LRRC2: variants seen among roughly 807,000 people sequenced by gnomAD.
LRRC2 encodes leucine-rich repeat-containing protein 2.
A neutral mutation model predicts 40.2 loss-of-function variants in LRRC2; 27 were observed. The ratio of observed to expected loss-of-function variants is 0.67; its 90% CI spans 0.49 to 0.93. The LOEUF (loss-of-function observed/expected upper bound fraction) is 0.93, where lower values mean the gene tolerates loss of function less well. LRRC2 is among the 40% of genes least tolerant of loss of function. The pLI, the probability that LRRC2 is intolerant of heterozygous loss-of-function variation, is 0.00. For missense variants in LRRC2, 402 were observed against 439.6 expected (o/e 0.91, Z 0.76); for synonymous variants, 147 against 158.9 (o/e 0.92, Z 0.56).
intron 1 of LRRC2, among the ~76,000 whole-genome samples, chr3:46,561,733 A>C (rs1328406875): frequency 6.6e-6 from 1 of 152,156 alleles, no homozygotes; most frequent in Non-Finnish European, 1.5e-5. Context: ...CTGAGATTCC[A>C]TTGCTTGGTT....
At chr3:46,521,872 C>T (rs1041632897) in intron 7 of LRRC2, among the ~76,000 whole-genome samples, 3 of 152,080 alleles carry the variant, frequency 2.0e-5, no homozygotes, top group Non-Finnish European at 4.4e-5. Context: ...TTTCAGAGGC[C>T]TGATGGGGAA....
chr3:46,550,377 CT>C (rs34602158), intron 2 of LRRC2, among the ~76,000 whole-genome samples: 4,312 of 83,880 alleles, frequency 0.051, 73 homozygotes, highest in African/African-American at 0.2. Context: ...CCTTACACAT[CT>C]TTTTTTTTTT....
At chr3:46,550,757 T>C (rs1458267801) in intron 2 of LRRC2, among the ~76,000 whole-genome samples, 2 of 152,180 alleles carry the variant, frequency 1.3e-5, no homozygotes, top group Non-Finnish European at 2.9e-5. Flanking sequence ...GATGTAGGGT[T>C]GGGACTTTCT....
intron 2 of LRRC2, among the ~76,000 whole-genome samples, chr3:46,546,144 GC>G (rs1704520912): frequency 6.6e-6 from 1 of 152,242 alleles, no homozygotes; most frequent in African/African-American, 2.4e-5. Context: ...TCTTCTGGGG[GC>G]TACTTTAGAA....
intron 3 of LRRC2, 44 bp from the exon 4 acceptor site, chr3:46,539,245 G>C: frequency 1.3e-6 from 2 of 1,582,000 alleles, no homozygotes; most frequent in Non-Finnish European, 1.7e-6. Flanking sequence ...GCTCCTCCGT[G>C]TGCACAAAGC....
chr3:46,527,881 G>C (rs773043387), intron 6 of LRRC2, among the ~76,000 whole-genome samples: 20 of 151,950 alleles, frequency 1.3e-4, no homozygotes, highest in Non-Finnish European at 2.5e-4. Flanking sequence ...ACAGGCACAC[G>C]CCATCATGCC....
chr3:46,544,573 T>A (rs764951828), intron 3 of LRRC2, among the ~76,000 whole-genome samples: 16 of 152,216 alleles, frequency 1.1e-4, no homozygotes, highest in Non-Finnish European at 1.0e-4. Context: ...TAGCCCAAGT[T>A]ATTATGGGAC....
chr3:46,532,573 G>A (rs1425925105), intron 5 of LRRC2, among the ~76,000 whole-genome samples, 200 bp downstream of exon 5: 10 of 151,824 alleles, frequency 6.6e-5, no homozygotes. Flanking sequence ...CCACTGCACT[G>A]CAGCCTGGGT....
intron 4 of LRRC2, 98 bp from the exon 5 acceptor site, chr3:46,533,007 AT>A (rs1704188502): frequency 1.8e-5 from 22 of 1,218,936 alleles, no homozygotes; most frequent in Non-Finnish European, 1.2e-6. Context: ...GTAAATAATG[AT>A]GGGGAAGGAA....
chr3:46,519,604 T>C (rs1703929208), intron 8 of LRRC2, among the ~76,000 whole-genome samples: 1 of 152,246 alleles, frequency 6.6e-6, no homozygotes, highest in South Asian at 2.1e-4. Context: ...CAAAGTGTAC[T>C]TCTCAGACAC....
chr3:46,566,102 C>T (rs1236032312), intron 1 of LRRC2, 75 bp downstream of exon 1: 1 of 152,396 alleles, frequency 6.6e-6, no homozygotes, highest in African/African-American at 2.4e-5. Flanking sequence ...CACCGGCCAT[C>T]CGCCCGCGTC....
In LRRC2 at chr3:46,562,373, C is replaced by A. The variant is rs144063246; in HGVS notation, c.-20+3804G>T. Reference sequence around the variant, plus strand: ...ACATCTTGACCACAACTTCATGAGACCCTAAGCCAGAAACACTCAGCTAAA... The same window carrying A: ...ACATCTTGACCACAACTTCATGAGAACCTAAGCCAGAAACACTCAGCTAAA... On this transcript the variant is annotated intron_variant, in intron 1 of 8. Coordinates refer to ENST00000395905, the MANE Select transcript of LRRC2 (RefSeq NM_024512.5). 2.4e-3 allele frequency among the ~76,000 whole-genome samples: 373 copies of A among 152,258 alleles called. 3 individuals are homozygous for A. Among genetic ancestry groups the A allele is most frequent in the African/African-American group, 8.4e-3 (349 of 41,538 alleles).
chr3:46,526,723 G>A (rs1186587212), intron 7 of LRRC2, among the ~76,000 whole-genome samples: 1 of 152,256 alleles, frequency 6.6e-6, no homozygotes, highest in Non-Finnish European at 1.5e-5. Flanking sequence ...ATTCTCGCTA[G>A]TGGTTGCGTT....
chr3:46,565,579 G>T (rs1705039826), intron 1 of LRRC2, among the ~76,000 whole-genome samples: 1 of 152,204 alleles, frequency 6.6e-6, no homozygotes, highest in East Asian at 1.9e-4. Flanking sequence ...GAACCCCCCA[G>T]TCCCTGAGTT....
At chr3:46,544,439 C>G (rs1559416075) in intron 3 of LRRC2, among the ~76,000 whole-genome samples, 1 of 152,266 alleles carries the variant, frequency 6.6e-6, no homozygotes, top group East Asian at 1.9e-4. Flanking sequence ...CCACTGCACT[C>G]CAGCCTGGGT....
intron 1 of LRRC2, among the ~76,000 whole-genome samples, 189 bp from the exon 2 acceptor site, chr3:46,551,799 G>A (rs1226509752): frequency 1.9e-5 from 1 of 52,708 alleles, no homozygotes; most frequent in Non-Finnish European, 3.4e-5. Flanking sequence ...GTTGGGTTTT[G>A]TTTGTCTTGT....
chr3:46,544,849 G>A (rs1178501025), intron 3 of LRRC2, among the ~76,000 whole-genome samples, 197 bp downstream of exon 3: 3 of 152,204 alleles, frequency 2.0e-5, no homozygotes, highest in Non-Finnish European at 4.4e-5. Flanking sequence ...GAGAGGGCAC[G>A]TGCATCCCAG....
At chr3:46,564,091 G>A (rs143085556) in intron 1 of LRRC2, among the ~76,000 whole-genome samples, 66 of 152,280 alleles carry the variant, frequency 4.3e-4, no homozygotes, top group African/African-American at 1.6e-3. Flanking sequence ...CCAATCTAGA[G>A]GGGAGAGCAT....
intron 1 of LRRC2, among the ~76,000 whole-genome samples, chr3:46,554,799 C>T (rs951023843): frequency 2.6e-5 from 4 of 152,106 alleles, no homozygotes; most frequent in Non-Finnish European, 5.9e-5. Context: ...CTATAGTTAA[C>T]CTTTCTGTGA....
Sources: gnomAD v4.1 joint callset for allele counts (sites outside exome capture counted in the v4.1 genomes callset) on GRCh38, gnomAD v4.1.1 for gene constraint, MANE v1.5 for transcripts, NCBI Gene and HGNC (gene_info 2026-07-23, HGNC 2026-07-21) for gene names.